TWIST2: variants seen among roughly 807,000 people sequenced by gnomAD.
The protein encoded by TWIST2 is twist family bHLH transcription factor 2, also known as twist-related protein 2.
A neutral mutation model predicts 11.6 loss-of-function variants in TWIST2; 1 was observed. The ratio of observed to expected loss-of-function variants is 0.09; its 90% CI spans 0.03 to 0.41. TWIST2 has a LOEUF of 0.41. TWIST2 is among the 10% of genes least tolerant of loss of function. The pLI, the probability that TWIST2 is intolerant of heterozygous loss-of-function variation, is 0.98. For missense variants in TWIST2, 168 were observed against 226.4 expected (o/e 0.74, Z 1.66); for synonymous variants, 87 against 96.6 (o/e 0.90, Z 0.58).
chr2:238,871,647 A>T (rs1464486656), intron 1 of TWIST2, among the ~76,000 whole-genome samples: 33 of 64,804 alleles, frequency 5.1e-4, no homozygotes, highest in African/African-American at 1.7e-3. Context: ...CCACACACAA[A>T]CACCCCCCCC....
chr2:238,890,709 T>A (rs2106369243), intron 1 of TWIST2, among the ~76,000 whole-genome samples: 1 of 152,308 alleles, frequency 6.6e-6, no homozygotes, highest in South Asian at 2.1e-4. Context: ...TTTTTAAAAA[T>A]TGAGTAATCA....
intron 1 of TWIST2, among the ~76,000 whole-genome samples, chr2:238,906,602 C>T (rs1405393976): frequency 6.9e-6 from 1 of 145,502 alleles, no homozygotes; most frequent in East Asian, 1.9e-4. Flanking sequence ...CACACACTCA[C>T]TCTGGACATT....
At position 238,866,411 on chromosome 2, in the gene TWIST2, C is replaced by T. The variant is rs1692534605; in HGVS notation, c.*35+17678C>T. Among the ~76,000 whole-genome samples, 1 of 152,208 alleles carries T rather than the reference C, an allele frequency of 6.6e-6. No individual in the cohort carries two copies. The highest frequency in any genetic ancestry group is 1.5e-5 in the Non-Finnish European group (1 of 68,046). ...CAGTGGCTCACACCTGTAATCCTGG[C>T]ACTTTGGGAGGCTGAGGCAGGCAGA... On this transcript the variant is annotated intron_variant, in intron 1 of 1. Transcript: ENST00000612363. The surrounding 1 kb of genome is among the most constrained non-coding windows in gnomAD (Gnocchi z 4.9).
intron 1 of TWIST2, among the ~76,000 whole-genome samples, chr2:238,855,679 C>T (rs537004935): frequency 5.9e-5 from 9 of 152,178 alleles, no homozygotes; most frequent in South Asian, 2.1e-4. Context: ...AACTGAAGTC[C>T]GCTTGAGGTT....
At chr2:238,853,137 A>G (rs1692270360) in intron 1 of TWIST2, among the ~76,000 whole-genome samples, 1 of 152,208 alleles carries the variant, frequency 6.6e-6, no homozygotes, top group Non-Finnish European at 1.5e-5. Flanking sequence ...ATAGCAATAC[A>G]TTTATTCCTA....
At chr2:238,849,522 G>T (rs1048243145) in intron 1 of TWIST2, among the ~76,000 whole-genome samples, 6 of 152,210 alleles carry the variant, frequency 3.9e-5, no homozygotes, top group African/African-American at 1.2e-4. Context: ...GGAACTGGGA[G>T]CCCTGAGTCC....
chr2:238,874,024 A>G (rs2106361348), intron 1 of TWIST2, among the ~76,000 whole-genome samples: 1 of 152,304 alleles, frequency 6.6e-6, no homozygotes, highest in Non-Finnish European at 1.5e-5. Context: ...GATGGGGTTC[A>G]TGCGTTAGAG....
At chr2:238,875,781 C>G (rs1692794723) in intron 1 of TWIST2, among the ~76,000 whole-genome samples, 2 of 152,092 alleles carry the variant, frequency 1.3e-5, no homozygotes, top group Admixed American at 1.3e-4. Flanking sequence ...TCCCCAAGTT[C>G]CAAAAAAACA....
intron 1 of TWIST2, among the ~76,000 whole-genome samples, chr2:238,909,050 T>C (rs1459018930): frequency 6.3e-4 from 95 of 151,534 alleles, no homozygotes; most frequent in African/African-American, 2.2e-3. Flanking sequence ...GGTTGTGGTA[T>C]GTGTATGTGG....
chr2:238,888,886 C>G (rs1449403246), intron 1 of TWIST2, among the ~76,000 whole-genome samples: 1 of 152,188 alleles, frequency 6.6e-6, no homozygotes, highest in East Asian at 1.9e-4. Flanking sequence ...ATGCATGTCA[C>G]ACGTGCATAT....
intron 1 of TWIST2, among the ~76,000 whole-genome samples, chr2:238,908,431 CCACATACACA>C (rs1238236499): frequency 6.6e-6 from 1 of 151,608 alleles, no homozygotes; most frequent in Non-Finnish European, 1.5e-5. Context: ...ACCACACATA[CCACATACACA>C]CACATGCACA....
At chr2:238,890,854 C>T (rs1352844417) in intron 1 of TWIST2, among the ~76,000 whole-genome samples, 1 of 152,116 alleles carries the variant, frequency 6.6e-6, no homozygotes, top group Non-Finnish European at 1.5e-5. Flanking sequence ...AGGGTCTGCC[C>T]TTCCCAGATT....
At chr2:238,869,502 A>G (rs1692607506) in intron 1 of TWIST2, among the ~76,000 whole-genome samples, 1 of 152,252 alleles carries the variant, frequency 6.6e-6, no homozygotes, top group South Asian at 2.1e-4. Context: ...ATGATTCAAC[A>G]ATAAAAATTA....
At chr2:238,849,455 G>A (rs1294132615) in intron 1 of TWIST2, among the ~76,000 whole-genome samples, 3 of 152,216 alleles carry the variant, frequency 2.0e-5, no homozygotes, top group Non-Finnish European at 4.4e-5. Context: ...GAGGCAGGCG[G>A]GTCCGACGCA....
chr2:238,892,867 T>C (rs1451368445), intron 1 of TWIST2, among the ~76,000 whole-genome samples: 1 of 152,226 alleles, frequency 6.6e-6, no homozygotes, highest in African/African-American at 2.4e-5. Context: ...ACACTTAGTG[T>C]GTGCTAGTTG....
chr2:238,853,382 GGAGAGAGAGAGA>G (rs374173009), intron 1 of TWIST2, among the ~76,000 whole-genome samples: 1 of 139,976 alleles, frequency 7.1e-6, no homozygotes, highest in African/African-American at 2.6e-5. Context: ...GAGGAGGGAG[GGAGAGAGAGAGA>G]GAGAGAGAGG....
intron 1 of TWIST2, among the ~76,000 whole-genome samples, chr2:238,865,361 A>G (rs1046568222): frequency 6.6e-6 from 1 of 152,196 alleles, no homozygotes; most frequent in African/African-American, 2.4e-5. Flanking sequence ...GGACCTCCCC[A>G]TGCAGCAGGG....
chr2:238,856,487 A>G (rs139587634), intron 1 of TWIST2, among the ~76,000 whole-genome samples: 1 of 152,136 alleles, frequency 6.6e-6, no homozygotes, highest in Admixed American at 6.5e-5. Flanking sequence ...GTCCCCAGCA[A>G]CCCTGTGTAC....
intron 1 of TWIST2, among the ~76,000 whole-genome samples, chr2:238,853,246 A>C (rs919970866): frequency 1.3e-5 from 2 of 152,246 alleles, no homozygotes; most frequent in African/African-American, 4.8e-5. Context: ...ATTTTATATT[A>C]ACTTTCATTA....
Sources: allele counts gnomAD v4.1 joint callset (sites outside exome capture counted in the v4.1 genomes callset), GRCh38; gene constraint gnomAD v4.1.1; non-coding constraint Gnocchi (gnomAD v3.1); transcripts MANE v1.5; gene names NCBI Gene and HGNC (gene_info 2026-07-23, HGNC 2026-07-21).